The following DOK5 variants were observed in gnomAD, a reference collection of about 807,000 sequenced individuals.
DOK5 encodes the protein downstream of tyrosine kinase 5.
DOK5 carries 27 observed loss-of-function variants against 43.3 expected under a neutral mutation model. The ratio of observed to expected loss-of-function variants is 0.62; its 90% CI spans 0.46 to 0.86. The LOEUF is 0.86. Among genes scored for constraint, DOK5 ranks in the 40% least tolerant of loss-of-function variants. DOK5 has a pLI of 0.00. For synonymous variants in DOK5, 146 were observed against 140.1 expected (o/e 1.04, Z -0.30); for missense variants, 373 against 392.9 (o/e 0.95, Z 0.43).
chr20:54,645,927 A>AAAAAAAAAAAAAAAT (rs1979395990), intron 7 of DOK5, among the ~76,000 whole-genome samples: 1 of 9,286 alleles, frequency 1.1e-4, no homozygotes, highest in African/African-American at 4.7e-4. Context: ...AGATGCTGCA[A>AAAAAAAAAAAAAAAT]AAAAAAAAAA....
At chr20:54,630,514 G>A (rs551932810) in intron 6 of DOK5, among the ~76,000 whole-genome samples, 2 of 152,316 alleles carry the variant, frequency 1.3e-5, no homozygotes, top group South Asian at 4.1e-4. Context: ...ACACAACTCT[G>A]AGATTTGGGG....
At chr20:54,588,300 C>T (rs965947554) in intron 2 of DOK5, among the ~76,000 whole-genome samples, 183 bp from the exon 3 acceptor site, 11 of 152,174 alleles carry the variant, frequency 7.2e-5, no homozygotes, top group Non-Finnish European at 1.2e-4. Context: ...ACCATCCTTG[C>T]GGTGTGTTAC....
intron 1 of DOK5, among the ~76,000 whole-genome samples, chr20:54,545,702 G>A (rs757230421): frequency 9.2e-5 from 14 of 152,212 alleles, no homozygotes; most frequent in Non-Finnish European, 1.9e-4. Context: ...ATAATATGGA[G>A]TTCTTTTCAA....
intron 1 of DOK5, among the ~76,000 whole-genome samples, chr20:54,530,228 T>A (rs1983722732): frequency 1.3e-5 from 2 of 152,232 alleles, no homozygotes; most frequent in African/African-American, 4.8e-5. Context: ...TTTTACTATG[T>A]GGCTATGCTA....
intron 2 of DOK5, among the ~76,000 whole-genome samples, chr20:54,584,884 A>G (rs150521358): frequency 7.2e-4 from 110 of 151,822 alleles, no homozygotes; most frequent in Non-Finnish European, 1.5e-3. Flanking sequence ...TTCCTTTAGC[A>G]TTTCTTATAA....
chr20:54,627,618 C>T (rs190963900), intron 6 of DOK5, among the ~76,000 whole-genome samples: 3 of 152,062 alleles, frequency 2.0e-5, no homozygotes, highest in Non-Finnish European at 4.4e-5. Flanking sequence ...GTGTCTGTGG[C>T]GTGGGTCAGG....
At chr20:54,541,821 A>G (rs1005069517) in intron 1 of DOK5, among the ~76,000 whole-genome samples, 8 of 152,072 alleles carry the variant, frequency 5.3e-5, no homozygotes, top group African/African-American at 1.9e-4. Context: ...CTCTTCTCCT[A>G]TCTTCAAGCT....
chr20:54,539,260 C>A (rs1984059974), intron 1 of DOK5, among the ~76,000 whole-genome samples: 1 of 114,532 alleles, frequency 8.7e-6, no homozygotes, highest in Non-Finnish European at 1.6e-5. Context: ...GCCTGGGCAA[C>A]AGAGCGAGGC....
At chr20:54,552,302 C>T (rs1392193084) in intron 1 of DOK5, among the ~76,000 whole-genome samples, 2 of 152,070 alleles carry the variant, frequency 1.3e-5, no homozygotes, top group African/African-American at 4.8e-5. Context: ...CACCCCTCCC[C>T]ACAATAACAT....
chr20:54,593,360 A>C (rs938020385), intron 5 of DOK5, among the ~76,000 whole-genome samples: 23 of 152,168 alleles, frequency 1.5e-4, no homozygotes, highest in African/African-American at 5.5e-4. Flanking sequence ...CTGTCTGCAA[A>C]GTTTTTTACT....
intron 1 of DOK5, among the ~76,000 whole-genome samples, chr20:54,507,233 G>C (rs1982843899): frequency 6.6e-6 from 1 of 152,098 alleles, no homozygotes; most frequent in South Asian, 2.1e-4. Flanking sequence ...GAAAATGATA[G>C]GTCGAGGTAA....
intron 1 of DOK5, among the ~76,000 whole-genome samples, chr20:54,548,567 C>T (rs1390803052): frequency 1.3e-5 from 2 of 151,920 alleles, no homozygotes; most frequent in Non-Finnish European, 2.9e-5. Flanking sequence ...GCCAGTGAAA[C>T]TATTATAGTT....
chr20:54,545,533 G>A (rs192314441), intron 1 of DOK5, among the ~76,000 whole-genome samples: 104 of 152,304 alleles, frequency 6.8e-4, no homozygotes, highest in African/African-American at 2.5e-3. Flanking sequence ...CCATGGCAGA[G>A]GAAGAGCAAA....
chr20:54,513,471 A>AAC, intron 1 of DOK5, among the ~76,000 whole-genome samples: 1 of 150,092 alleles, frequency 6.7e-6, no homozygotes, highest in East Asian at 1.9e-4. Context: ...GCAAAAAAAA[A>AAC]AAAAAAAAAA....
chr20:54,628,041 A>G (rs1384538953), intron 6 of DOK5, among the ~76,000 whole-genome samples: 1 of 152,196 alleles, frequency 6.6e-6, no homozygotes, highest in Non-Finnish European at 1.5e-5. Context: ...CAGTAATCAC[A>G]TCCTGTGCTG....
chr20:54,572,512 T>C (rs1231557857), intron 2 of DOK5, among the ~76,000 whole-genome samples: 1 of 151,986 alleles, frequency 6.6e-6, no homozygotes, highest in Non-Finnish European at 1.5e-5. Context: ...GCCAGTTAGA[T>C]TGGAAAAAAA....
chr20:54,642,081 T>A (rs1979146929), intron 6 of DOK5, among the ~76,000 whole-genome samples: 1 of 152,034 alleles, frequency 6.6e-6, no homozygotes, highest in African/African-American at 2.4e-5. Context: ...TGCCTGGAGG[T>A]CTGCTTCCAC....
At chr20:54,546,414 T>A (rs1674877628) in intron 1 of DOK5, among the ~76,000 whole-genome samples, 1 of 152,192 alleles carries the variant, frequency 6.6e-6, no homozygotes, top group Non-Finnish European at 1.5e-5. Context: ...TTTTTATTAT[T>A]ATACTTTAAG....
At position 54,506,352 on chromosome 20, in the gene DOK5, A is replaced by G. The variant is rs1432642005; in HGVS notation, c.66+30340A>G. ...CTTAGACATCGGGGTGGGATTGTTT[A>G]GAACAATGTCTGCCATGTAGTAAAT... On this transcript the variant is annotated intron_variant, in intron 1 of 7. Coordinates refer to ENST00000262593, the MANE Select transcript of DOK5 (RefSeq NM_018431.5). Among the ~76,000 whole-genome samples the G allele has an allele frequency of 2.0e-5, 3 of 152,222 alleles. No homozygotes were observed. In the East Asian group the frequency reaches 5.8e-4, roughly 29 times the overall value.
Sources: allele counts gnomAD v4.1 joint callset (sites outside exome capture counted in the v4.1 genomes callset), GRCh38; gene constraint gnomAD v4.1.1; transcripts MANE v1.5; gene names NCBI Gene and HGNC (gene_info 2026-07-23, HGNC 2026-07-21).